Variants in DNER observed in about 807,000 individuals in gnomAD.
The protein encoded by DNER is delta and Notch-like epidermal growth factor-related receptor.
Under a neutral mutation model 78.2 loss-of-function variants are expected in DNER, and 33 were observed. The ratio of observed to expected loss-of-function variants is 0.42; its 90% CI spans 0.32 to 0.56. The LOEUF (loss-of-function observed/expected upper bound fraction) is 0.56. Among genes scored for constraint, DNER ranks in the 20% least tolerant of loss-of-function variants. The probability of loss-of-function intolerance (pLI) is 0.11; values close to 1 mark genes in which losing one functional copy is unlikely to be tolerated. For missense variants in DNER, 918 were observed against 975.3 expected (o/e 0.94, Z 0.78); for synonymous variants, 417 against 384.8 (o/e 1.08, Z -0.98).
chr2:229,517,572 A>G (rs1379697745), intron 5 of DNER, among the ~76,000 whole-genome samples: 1 of 152,204 alleles, frequency 6.6e-6, no homozygotes, highest in Non-Finnish European at 1.5e-5. Flanking sequence ...CATGTTCAGG[A>G]AAGATCCAGA....
At chr2:229,378,069 C>A (rs1692648390) in intron 11 of DNER, among the ~76,000 whole-genome samples, 1 of 152,110 alleles carries the variant, frequency 6.6e-6, no homozygotes, top group African/African-American at 2.4e-5. Flanking sequence ...AATGACATTT[C>A]TGACTTTGAA....
chr2:229,664,308 T>A (rs1699055132), intron 1 of DNER, among the ~76,000 whole-genome samples: 1 of 151,444 alleles, frequency 6.6e-6, no homozygotes, highest in Admixed American at 6.6e-5. Context: ...CCATTTTGCA[T>A]CCACCAGTGG....
intron 6 of DNER, among the ~76,000 whole-genome samples, chr2:229,480,492 A>G (rs1394607145): frequency 2.0e-5 from 3 of 152,222 alleles, no homozygotes; most frequent in African/African-American, 7.2e-5. Flanking sequence ...CTGTCTGATA[A>G]TGCACAAATA....
At chr2:229,708,893 T>A (rs748624799) in intron 1 of DNER, among the ~76,000 whole-genome samples, 1 of 152,184 alleles carries the variant, frequency 6.6e-6, no homozygotes, top group South Asian at 2.1e-4. Context: ...TTCTTAACAT[T>A]CTTACAAAAA....
intron 8 of DNER, among the ~76,000 whole-genome samples, chr2:229,432,696 A>C (rs1694034375): frequency 6.6e-6 from 1 of 152,124 alleles, no homozygotes; most frequent in Non-Finnish European, 1.5e-5. Flanking sequence ...GCGTGTTCTC[A>C]GGTCACACTC....
chr2:229,509,117 C>T (rs1043486009), intron 6 of DNER, among the ~76,000 whole-genome samples: 4 of 152,076 alleles, frequency 2.6e-5, no homozygotes, highest in African/African-American at 7.2e-5. Context: ...TGAACAAGAT[C>T]GGAGAGTGCC....
At chr2:229,618,018 C>T (rs544797540) in intron 1 of DNER, among the ~76,000 whole-genome samples, 4 of 152,236 alleles carry the variant, frequency 2.6e-5, no homozygotes, top group African/African-American at 9.6e-5. Context: ...GTCACATGAC[C>T]CCTGGGCTTT....
intron 11 of DNER, among the ~76,000 whole-genome samples, chr2:229,378,097 C>T (rs116687475): frequency 0.037 from 5,669 of 152,140 alleles, 300 homozygotes; most frequent in African/African-American, 0.13. Flanking sequence ...GAAGGCACCA[C>T]GAGCCAAGAA....
At chr2:229,433,181 G>T (rs59561231) in intron 8 of DNER, among the ~76,000 whole-genome samples, 1 of 152,050 alleles carries the variant, frequency 6.6e-6, no homozygotes, top group Non-Finnish European at 1.5e-5. Flanking sequence ...TATGTGATCC[G>T]TCCGCCTTGG....
intron 6 of DNER, among the ~76,000 whole-genome samples, chr2:229,479,549 C>A (rs369209032): frequency 2.6e-5 from 4 of 151,876 alleles, no homozygotes; most frequent in Admixed American, 2.6e-4. Flanking sequence ...CCTGTCTCTA[C>A]TAAAAATACA....
At chr2:229,633,748 G>A (rs1401749556) in intron 1 of DNER, among the ~76,000 whole-genome samples, 1 of 152,126 alleles carries the variant, frequency 6.6e-6, no homozygotes, top group African/African-American at 2.4e-5. Context: ...GACAGCAGGC[G>A]CCCAAACCAC....
At chr2:229,466,533 G>A (rs1694809719) in intron 7 of DNER, among the ~76,000 whole-genome samples, 1 of 149,810 alleles carries the variant, frequency 6.7e-6, no homozygotes, top group Non-Finnish European at 1.5e-5. Context: ...TACCCCAGAG[G>A]AGCCCTGTCA....
chr2:229,526,696 A>C (rs1696216758), intron 5 of DNER, among the ~76,000 whole-genome samples: 1 of 152,206 alleles, frequency 6.6e-6, no homozygotes, highest in African/African-American at 2.4e-5. Context: ...CTCAGGCAGT[A>C]GTGCTCGCTC....
chr2:229,614,942 C>T (rs1298673687), intron 1 of DNER, among the ~76,000 whole-genome samples: 1 of 152,204 alleles, frequency 6.6e-6, no homozygotes, highest in East Asian at 1.9e-4. Flanking sequence ...GGATTAGGAA[C>T]TAATCTACGA....
At chr2:229,630,145 A>G (rs1284452430) in intron 1 of DNER, among the ~76,000 whole-genome samples, 2 of 152,162 alleles carry the variant, frequency 1.3e-5, no homozygotes, top group Non-Finnish European at 2.9e-5. Flanking sequence ...ACCAACTATA[A>G]AAAGAGACCC....
chr2:229,556,016 C>G (rs1004677011), intron 4 of DNER, among the ~76,000 whole-genome samples: 9 of 152,194 alleles, frequency 5.9e-5, no homozygotes, highest in African/African-American at 2.2e-4. Context: ...TGTCTACTTA[C>G]TAAGCATTTA....
At chr2:229,668,379 A>G (rs2154216749) in intron 1 of DNER, among the ~76,000 whole-genome samples, 1 of 149,468 alleles carries the variant, frequency 6.7e-6, no homozygotes, top group Admixed American at 6.7e-5. Flanking sequence ...AGCAGCTCCT[A>G]ATATTTTGAT....
intron 10 of DNER, among the ~76,000 whole-genome samples, chr2:229,391,788 C>T (rs1693021837): frequency 6.6e-6 from 1 of 152,088 alleles, no homozygotes; most frequent in African/African-American, 2.4e-5. Flanking sequence ...GGTGATCTGC[C>T]CACCTCACCC....
In DNER at chr2:229,591,977, T is replaced by C. The variant is rs1697617019; in HGVS notation, c.277-89A>G. ...AATTAGCTCTGTGTCTCAGAGCGAC[T>C]GCTGTAATGGAAATGCTGTTCCTGT... On this transcript the variant is annotated intron_variant, in intron 1 of 12. Transcript: ENST00000341772. This position sits in a 1 kb window ranked among gnomAD's most constrained non-coding sequence, Gnocchi z 4.6. 2.8e-6 allele frequency: 4 copies of C among 1,414,930 alleles called. No individual in the cohort carries two copies. Among genetic ancestry groups the C allele is most frequent in the East Asian group, 2.5e-5 (1 of 39,994 alleles). The allele number at this position is 1,414,930 out of a possible 1,614,324, so 87.6% of individuals were successfully genotyped here.
Sources: gnomAD v4.1 joint callset for allele counts (sites outside exome capture counted in the v4.1 genomes callset) on GRCh38, gnomAD v4.1.1 for gene constraint, Gnocchi (gnomAD v3.1) non-coding constraint, MANE v1.5 for transcripts, NCBI Gene and HGNC (gene_info 2026-07-23, HGNC 2026-07-21) for gene names.